CACNA1A: variants seen among roughly 807,000 people sequenced by gnomAD.
The protein encoded by CACNA1A is voltage-dependent P/Q-type calcium channel subunit alpha-1A.
A neutral mutation model predicts 262.4 loss-of-function variants in CACNA1A; 57 were observed. The observed-to-expected ratio is 0.22, with a 90% CI of 0.18 to 0.27. The LOEUF is 0.27. CACNA1A is among the 10% of genes least tolerant of loss of function. The pLI, the probability that CACNA1A is intolerant of heterozygous loss-of-function variation, is 1.00. For missense variants in CACNA1A, 2,526 were observed against 3,562.8 expected (o/e 0.71, Z 7.41); for synonymous variants, 1,431 against 1,419.3 (o/e 1.01, Z -0.18).
At position 13,207,772 on chromosome 19, in the gene CACNA1A, C is replaced by A; in HGVS notation, c.7062G>T (p.Pro2354=). 7.2e-7 allele frequency: 1 copy of A among 1,380,174 alleles called. No individual in the cohort carries two copies. Among genetic ancestry groups the A allele is most frequent in the Non-Finnish European group, 9.3e-7 (1 of 1,075,424 alleles). 85.5% of individuals were successfully genotyped at this position (1,380,174 alleles called of 1,614,324 possible). The part of the protein sequence containing the change: ...PTAEPLAGDR[P]PTGGHSSGRS... ...GGCCGCTGCTGTGGCCCCCCGTGGG[C>A]GGCCGATCTCCGGCCAGAGGCTCGG... Residue 2354 remains proline, a synonymous_variant, in exon 47 of 47, where the codon CCG becomes CCT. Coordinates refer to ENST00000360228, the MANE Select transcript of CACNA1A (RefSeq NM_001127222.2). The surrounding 1 kb of genome is among the most constrained non-coding windows in gnomAD (Gnocchi z 5.7).
intron 1 of CACNA1A, among the ~76,000 whole-genome samples, chr19:13,464,765 G>T (rs60117769): frequency 6.6e-6 from 1 of 151,472 alleles, no homozygotes; most frequent in Non-Finnish European, 1.5e-5. Context: ...AGCCAGGGTG[G>T]TCTCGATCTC....
intron 30 of CACNA1A, among the ~76,000 whole-genome samples, chr19:13,246,983 A>C (rs943846287): frequency 5.3e-5 from 8 of 152,202 alleles, no homozygotes; most frequent in Non-Finnish European, 1.2e-4. Flanking sequence ...TCACAGCCTC[A>C]AGTCCCACAA....
At chr19:13,383,373 A>C (rs1334824776) in intron 3 of CACNA1A, among the ~76,000 whole-genome samples, 2 of 152,178 alleles carry the variant, frequency 1.3e-5, no homozygotes, top group East Asian at 3.8e-4. Flanking sequence ...GAGATGGGGA[A>C]GATGGAGGAA....
intron 35 of CACNA1A, among the ~76,000 whole-genome samples, chr19:13,230,617 C>G (rs1255510369): frequency 6.6e-6 from 1 of 151,890 alleles, no homozygotes; most frequent in African/African-American, 2.4e-5. Context: ...CCAGCCTGGT[C>G]AACATGGTGA....
chr19:13,344,605 T>A (rs559317074), intron 6 of CACNA1A, among the ~76,000 whole-genome samples: 40 of 152,266 alleles, frequency 2.6e-4, no homozygotes, highest in Admixed American at 1.9e-3. Context: ...CATCAGCTCC[T>A]CCAGGGTAGA....
intron 8 of CACNA1A, among the ~76,000 whole-genome samples, chr19:13,333,230 C>T (rs1600354406): frequency 6.6e-6 from 1 of 152,288 alleles, no homozygotes; most frequent in African/African-American, 2.4e-5. Flanking sequence ...CTGTCCCCAC[C>T]TCTCACTCTG....
At chr19:13,417,997 C>T (rs1235745129) in intron 3 of CACNA1A, among the ~76,000 whole-genome samples, 1 of 151,614 alleles carries the variant, frequency 6.6e-6, no homozygotes, top group Non-Finnish European at 1.5e-5. Flanking sequence ...TGTTCTTTTC[C>T]TTCCTGGCGG....
intron 22 of CACNA1A, chr19:13,277,388 C>G: frequency 5.9e-6 from 2 of 337,734 alleles, no homozygotes; most frequent in South Asian, 4.3e-5. Context: ...TAGGCCAGTT[C>G]GCTAACCCAC....
chr19:13,265,720 G>T (rs2056846219), intron 24 of CACNA1A, among the ~76,000 whole-genome samples: 1 of 152,060 alleles, frequency 6.6e-6, no homozygotes, highest in Non-Finnish European at 1.5e-5. Flanking sequence ...CTCTGCTTTT[G>T]CGAGAAAGGA....
chr19:13,291,547 C>T (rs1468387361), intron 19 of CACNA1A, among the ~76,000 whole-genome samples: 2 of 150,564 alleles, frequency 1.3e-5, no homozygotes, highest in Non-Finnish European at 2.9e-5. Context: ...GCCTGTAATC[C>T]TAGCACTTTG....
intron 1 of CACNA1A, among the ~76,000 whole-genome samples, chr19:13,500,530 G>A (rs923493046): frequency 6.6e-6 from 1 of 152,290 alleles, no homozygotes; most frequent in Non-Finnish European, 1.5e-5. Context: ...AAGCCATCGA[G>A]GCCAGACGTG....
chr19:13,462,613 C>T (rs2061145048), intron 1 of CACNA1A, among the ~76,000 whole-genome samples: 1 of 152,214 alleles, frequency 6.6e-6, no homozygotes, highest in South Asian at 2.1e-4. Context: ...TGCAACATTT[C>T]TACAAGGTGG....
At chr19:13,318,890 C>CTT (rs751530649) in intron 10 of CACNA1A, among the ~76,000 whole-genome samples, 15,565 of 114,616 alleles carry the variant, frequency 0.14, 2,052 homozygotes, top group East Asian at 0.44. Context: ...TAAAATACAT[C>CTT]TTTTTTTTTT....
At chr19:13,223,636 C>T (rs1167918325) in intron 38 of CACNA1A, among the ~76,000 whole-genome samples, 1 of 152,172 alleles carries the variant, frequency 6.6e-6, no homozygotes, top group East Asian at 1.9e-4. Context: ...CTGCTCTGAA[C>T]CTGCGTGGCG....
chr19:13,311,057 T>A (rs4630687), intron 12 of CACNA1A, among the ~76,000 whole-genome samples: 1 of 152,036 alleles, frequency 6.6e-6, no homozygotes, highest in East Asian at 1.9e-4. Flanking sequence ...CCTCTCAAAG[T>A]GCTGGGATTA....
At chr19:13,437,436 A>T (rs1372286535) in intron 3 of CACNA1A, among the ~76,000 whole-genome samples, 1 of 152,166 alleles carries the variant, frequency 6.6e-6, no homozygotes, top group East Asian at 1.9e-4. Flanking sequence ...CACGCCTCTA[A>T]TCCCAGCATT....
chr19:13,275,809 G>T, intron 24 of CACNA1A, 41 bp downstream of exon 24: 1 of 1,345,664 alleles, frequency 7.4e-7, no homozygotes, highest in Non-Finnish European at 1.1e-6. Context: ...GCTGGGGGTT[G>T]GGGGAAAAGA....
intron 31 of CACNA1A, among the ~76,000 whole-genome samples, chr19:13,239,578 GC>G (rs2144666445): frequency 6.6e-6 from 1 of 152,304 alleles, no homozygotes; most frequent in South Asian, 2.1e-4. Flanking sequence ...CATGTGTATT[GC>G]CAGCAGGGAA....
intron 19 of CACNA1A, among the ~76,000 whole-genome samples, chr19:13,293,979 C>T (rs1481932652): frequency 1.3e-5 from 2 of 152,078 alleles, no homozygotes; most frequent in Non-Finnish European, 2.9e-5. Context: ...AAAACTCTTC[C>T]TGGCATATTG....
Sources: gnomAD v4.1 joint callset for allele counts (sites outside exome capture counted in the v4.1 genomes callset) on GRCh38, gnomAD v4.1.1 for gene constraint, Gnocchi (gnomAD v3.1) non-coding constraint, MANE v1.5 for transcripts, NCBI Gene and HGNC (gene_info 2026-07-23, HGNC 2026-07-21) for gene names.